KIF1A: variants seen among roughly 807,000 people sequenced by gnomAD.
KIF1A encodes the protein kinesin family member 1A.
A neutral mutation model predicts 227.3 loss-of-function variants in KIF1A; 46 were observed. The ratio of observed to expected loss-of-function variants is 0.20; its 90% confidence interval spans 0.16 to 0.26. KIF1A has a LOEUF of 0.26. Among genes scored for constraint, KIF1A ranks in the 10% least tolerant of loss-of-function variants. KIF1A has a pLI of 1.00. For synonymous variants in KIF1A, 1,022 were observed against 1,012.8 expected (o/e 1.01, Z -0.17); for missense variants, 1,683 against 2,485.9 (o/e 0.68, Z 6.87).
intron 38 of KIF1A, among the ~76,000 whole-genome samples, chr2:240,732,123 G>GA (rs2046741991): frequency 3.8e-5 from 1 of 26,574 alleles, no homozygotes; most frequent in Non-Finnish European, 7.2e-5. Flanking sequence ...GAGGGATGAG[G>GA]GGAGGGGAGG....
At chr2:240,748,520 C>A in intron 28 of KIF1A, 1 of 175,518 alleles carries the variant, frequency 5.7e-6, no homozygotes, top group South Asian at 1.3e-4. Flanking sequence ...TCCGCTCAGC[C>A]ATCCTGACCA....
chr2:240,792,683 G>C lies in KIF1A; in HGVS notation c.107-3371C>G, dbSNP rs2055867234. ...TTCCCAACGGAGCCTGCTGTGGGCCGAGCGTGTCCCCAGATTCATATGCAA... is the reference window on the plus strand; with the variant it reads ...TTCCCAACGGAGCCTGCTGTGGGCCCAGCGTGTCCCCAGATTCATATGCAA... On this transcript the variant is annotated intron_variant, in intron 2 of 48. Coordinates refer to ENST00000498729, the MANE Select transcript of KIF1A (RefSeq NM_001244008.2). This position sits in a 1 kb window ranked among gnomAD's most constrained non-coding sequence, Gnocchi z 4.5. Among the ~76,000 whole-genome samples the C allele has an allele frequency of 6.6e-6, 1 of 152,172 alleles. No homozygotes were observed. Among genetic ancestry groups the C allele is most frequent in the Admixed American group, 6.5e-5 (1 of 15,278 alleles).
chr2:240,741,428 G>A (rs2047952703), intron 34 of KIF1A, 51 bp from the exon 35 acceptor site: 27 of 1,369,818 alleles, frequency 2.0e-5, no homozygotes, highest in South Asian at 1.8e-4. Context: ...GACCTATCAC[G>A]TGCCAAGGGC....
At chr2:240,796,897 G>A (rs541107833) in intron 2 of KIF1A, among the ~76,000 whole-genome samples, 3 of 152,232 alleles carry the variant, frequency 2.0e-5, no homozygotes, top group African/African-American at 7.2e-5. Context: ...CCCTCCCCTC[G>A]GGACGCCCCC....
rs1351410719 is a variant in KIF1A, at chr2:240,757,690, AC to A, written c.2583-97del. 2.0e-5 allele frequency: 24 copies of A among 1,197,664 alleles called. No individual in the cohort carries two copies. The Admixed American group carries it at 4.6e-4, about 23-fold the overall frequency. 74.2% of individuals were successfully genotyped at this position (1,197,664 alleles called of 1,614,324 possible). On this transcript the variant is annotated intron_variant, in intron 26 of 48. Coordinates refer to ENST00000498729, the MANE Select transcript of KIF1A (RefSeq NM_001244008.2). This position sits in a 1 kb window ranked among gnomAD's most constrained non-coding sequence, Gnocchi z 6.2. The stretch of plus-strand genomic sequence containing the variant: ...CGGGGCTGGGGGGCTTCTGTTTAAA[AC>A]CAAAACCAAACACACAGACCATCGA...
Position 240,770,981 on chromosome 2 carries a change from T to G in KIF1A, c.1331A>C (p.Glu444Ala). 6.2e-7 allele frequency: 1 copy of G among 1,611,166 alleles called. No individual in the cohort carries two copies. Among genetic ancestry groups the G allele is most frequent in the Non-Finnish European group, 8.5e-7 (1 of 1,179,770 alleles). The change falls in exon 15 of 49, where the codon GAA (glutamate) becomes GCA (alanine). Residue 444 changes from glutamate (E) to alanine (A), a missense_variant. By Grantham distance (107) the Glu-to-Ala change is moderately radical. This residue lies in a region of KIF1A where 110 missense variants were observed against 133.1 expected (regional missense o/e 0.83). Coordinates refer to ENST00000498729, the MANE Select transcript of KIF1A (RefSeq NM_001244008.2). ...LFAPGSEEAI[E>A]RLKETEKIIA... ...AGGTGGTGCCCTCACCTTCAGTCTTTCAATGGCCTCCTCGCTGCCCGGGGC... is the reference window on the plus strand; with the variant it reads ...AGGTGGTGCCCTCACCTTCAGTCTTGCAATGGCCTCCTCGCTGCCCGGGGC...
rs117053454 is a variant in KIF1A, at chr2:240,731,123, C to T, written c.4008-4183G>A. On this transcript the variant is annotated intron_variant, in intron 38 of 48. Coordinates refer to ENST00000498729, the MANE Select transcript of KIF1A (RefSeq NM_001244008.2). ...AATCTGCAGTAGATCCACACAGAGA[C>T]AGGAGAGATTTTACAGCTAGGCTAG... 2.2e-4 allele frequency among the ~76,000 whole-genome samples: 33 copies of T among 152,310 alleles called. No homozygotes were observed. In the East Asian group the frequency reaches 5.4e-3, roughly 25 times the overall value.
intron 8 of KIF1A, 108 bp from the exon 9 acceptor site, chr2:240,783,217 C>A (rs965937360): frequency 4.6e-6 from 4 of 860,278 alleles, no homozygotes; most frequent in Non-Finnish European, 5.9e-6. Flanking sequence ...GAGGCCACCA[C>A]TGCAGCTGCT....
At chr2:240,721,908 T>C in intron 43 of KIF1A, 24 bp from the exon 44 acceptor site, 1 of 1,585,906 alleles carries the variant, frequency 6.3e-7, no homozygotes, top group Non-Finnish European at 8.6e-7. Context: ...ACACGCGTGG[T>C]CAGGGGCCAG....
intron 29 of KIF1A, 103 bp downstream of exon 29, chr2:240,747,133 G>A (rs2048694163): frequency 1.3e-6 from 1 of 762,186 alleles, no homozygotes; most frequent in Admixed American, 2.2e-5. Context: ...GAGGACTCAG[G>A]GCCCGTGGGA....
chr2:240,765,986 G>A (rs530509084), intron 19 of KIF1A, among the ~76,000 whole-genome samples, 193 bp from the exon 20 acceptor site: 1 of 152,362 alleles, frequency 6.6e-6, no homozygotes, highest in Admixed American at 6.5e-5. Flanking sequence ...CCACTTAACA[G>A]AGGAAGAAAG....
At chr2:240,783,433 C>T (rs75000922) in intron 8 of KIF1A, among the ~76,000 whole-genome samples, 5,183 of 152,320 alleles carry the variant, frequency 0.034, 125 homozygotes, top group African/African-American at 0.064. Flanking sequence ...TTCCCGACCC[C>T]GGCACTGCTT....
At chr2:240,777,623 C>T (rs1370819705) in intron 10 of KIF1A, among the ~76,000 whole-genome samples, 1 of 152,206 alleles carries the variant, frequency 6.6e-6, no homozygotes, top group African/African-American at 2.4e-5. Flanking sequence ...CACCTGCTCC[C>T]GACCTATCCG....
chr2:240,802,182 A>G (rs2057033195), intron 1 of KIF1A, among the ~76,000 whole-genome samples: 1 of 152,198 alleles, frequency 6.6e-6, no homozygotes, highest in South Asian at 2.1e-4. Context: ...ATAGAAACCA[A>G]AAGACAAGAC....
chr2:240,746,829 G>A (rs1023507159), intron 29 of KIF1A, among the ~76,000 whole-genome samples: 8 of 152,228 alleles, frequency 5.3e-5, no homozygotes, highest in Admixed American at 4.6e-4. Context: ...CCTCAGGGGG[G>A]CAGCCCAGGA....
chr2:240,762,131 A>C (rs1407250688), intron 23 of KIF1A, among the ~76,000 whole-genome samples: 1 of 152,174 alleles, frequency 6.6e-6, no homozygotes, highest in East Asian at 1.9e-4. Flanking sequence ...CAAACAGGGG[A>C]AGATACCAAG....
chr2:240,813,671 A>G (rs1309432316), intron 1 of KIF1A, among the ~76,000 whole-genome samples: 1 of 135,032 alleles, frequency 7.4e-6, no homozygotes, highest in African/African-American at 2.8e-5. Context: ...CCCACCCCCC[A>G]TGGACACCCC....
chr2:240,779,106 TCACTCAGTTCCTCATAGTTCCA>T (rs1245800018), intron 10 of KIF1A, among the ~76,000 whole-genome samples: 2 of 146,498 alleles, frequency 1.4e-5, no homozygotes, highest in Admixed American at 6.7e-5. Flanking sequence ...ACTCACTTCC[TCACTCAGTTCCTCATAGTTCCA>T]CACTCAGTTC....
chr2:240,789,394 T>C lies in KIF1A; in HGVS notation c.107-82A>G. ...GCATCTACACTCCAAGGTGGGGAGA[T>C]GGTCTTAAGAGGCCTCGGGCCCCAG... On this transcript the variant is annotated intron_variant, in intron 2 of 48. Transcript: ENST00000498729. This position sits in a 1 kb window ranked among gnomAD's most constrained non-coding sequence, Gnocchi z 4.8. 1 of 1,234,386 alleles carries C rather than the reference T, an allele frequency of 8.1e-7. No homozygotes were observed. The allele number at this position is 1,234,386 out of a possible 1,614,324, so 76.5% of individuals were successfully genotyped here. A position where few individuals can be genotyped will look rare whatever the true frequency, so the allele number is the denominator to read the frequency against.
Sources: gnomAD v4.1 joint callset for allele counts (sites outside exome capture counted in the v4.1 genomes callset) on GRCh38, gnomAD v4.1.1 for gene constraint, gnomAD v4.1.1 regional missense constraint, Gnocchi (gnomAD v3.1) non-coding constraint, MANE v1.5 for transcripts, NCBI Gene and HGNC (gene_info 2026-07-23, HGNC 2026-07-21) for gene names.